GCNT1: variants seen among roughly 807,000 people sequenced by gnomAD.
The protein encoded by GCNT1 is glucosaminyl (N-acetyl) transferase 1, also known as beta-1,3-galactosyl-O-glycosyl-glycoprotein beta-1,6-N-acetylglucosaminyltransferase.
A neutral mutation model predicts 26.2 loss-of-function variants in GCNT1; 16 were observed. The ratio of observed to expected loss-of-function variants is 0.61; its 90% confidence interval spans 0.41 to 0.93. The LOEUF is 0.93. GCNT1 is among the 40% of genes least tolerant of loss of function. The probability of loss-of-function intolerance (pLI) is 0.00; values close to 1 mark genes in which losing one functional copy is unlikely to be tolerated. For missense variants in GCNT1, 477 were observed against 526.7 expected (o/e 0.91, Z 0.92); for synonymous variants, 183 against 190.8 (o/e 0.96, Z 0.34).
intron 2 of GCNT1, among the ~76,000 whole-genome samples, chr9:76,497,094 C>A (rs907644969): frequency 2.0e-5 from 3 of 152,146 alleles, no homozygotes; most frequent in East Asian, 1.9e-4. Flanking sequence ...ACTGGCAAAT[C>A]CCACCAGATA....
At chr9:76,472,780 G>A (rs1424428228) in intron 2 of GCNT1, among the ~76,000 whole-genome samples, 7 of 131,690 alleles carry the variant, frequency 5.3e-5, no homozygotes, top group Non-Finnish European at 7.7e-5. Flanking sequence ...ATGGAGTCTC[G>A]CTCTGTCACC....
chr9:76,494,971 T>C (rs998668980), intron 2 of GCNT1, among the ~76,000 whole-genome samples: 3 of 151,884 alleles, frequency 2.0e-5, no homozygotes, highest in South Asian at 2.1e-4. Flanking sequence ...CTCCAAAGAG[T>C]TGGGGGTTGT....
intron 2 of GCNT1, among the ~76,000 whole-genome samples, chr9:76,498,513 C>T (rs1467292201): frequency 1.3e-5 from 2 of 152,138 alleles, no homozygotes; most frequent in East Asian, 3.9e-4. Flanking sequence ...TGGCTCACCC[C>T]TGTAATCCCA....
intron 2 of GCNT1, among the ~76,000 whole-genome samples, chr9:76,487,096 C>A (rs1311933127): frequency 6.6e-6 from 1 of 152,126 alleles, no homozygotes; most frequent in Non-Finnish European, 1.5e-5. Context: ...ACCCTCCAAG[C>A]AGGGCAAGGT....
chr9:76,428,278 AAAAAAAAAAAACTT>A (rs1397512748), intron 1 of GCNT1, among the ~76,000 whole-genome samples: 47 of 141,534 alleles, frequency 3.3e-4, no homozygotes, highest in Non-Finnish European at 5.4e-4. Flanking sequence ...AAAAAAAAAA[AAAAAAAAAAAACTT>A]AAAAAAAAAA....
At chr9:76,417,857 G>A (rs1823146223), upstream of GCNT1, among the ~76,000 whole-genome samples, 1 of 152,176 alleles carries the variant, frequency 6.6e-6, no homozygotes, top group Non-Finnish European at 1.5e-5. Flanking sequence ...CTGTATGATT[G>A]TAGAGGGGCC....
intron 2 of GCNT1, among the ~76,000 whole-genome samples, chr9:76,468,873 C>T (rs1031012256): frequency 2.0e-5 from 3 of 152,090 alleles, no homozygotes; most frequent in South Asian, 2.1e-4. Flanking sequence ...CATTGTAATG[C>T]GAACATATTG....
intron 2 of GCNT1, among the ~76,000 whole-genome samples, chr9:76,485,976 C>T (rs1386055649): frequency 2.0e-5 from 3 of 152,192 alleles, no homozygotes; most frequent in African/African-American, 7.2e-5. Flanking sequence ...AAGTGATCTG[C>T]CTGCCTCGGC....
intron 2 of GCNT1, among the ~76,000 whole-genome samples, chr9:76,490,645 A>G (rs1824707135): frequency 6.6e-6 from 1 of 152,260 alleles, no homozygotes; most frequent in Non-Finnish European, 1.5e-5. Context: ...TGTTCAGTCC[A>G]TAGTAACTTA....
intron 2 of GCNT1, among the ~76,000 whole-genome samples, chr9:76,484,991 G>A (rs1347775933): frequency 6.6e-6 from 1 of 152,008 alleles, no homozygotes; most frequent in Non-Finnish European, 1.5e-5. Context: ...GTTTCACCAT[G>A]TTGGCCAGGC....
chr9:76,447,204 A>C (rs1358410815), intron 1 of GCNT1, among the ~76,000 whole-genome samples: 1 of 141,712 alleles, frequency 7.1e-6, no homozygotes, highest in East Asian at 2.2e-4. Context: ...TGGTATGTGG[A>C]TATTGCTGAA....
upstream of GCNT1, among the ~76,000 whole-genome samples, chr9:76,415,983 C>G (rs1823129044): frequency 1.3e-5 from 2 of 152,124 alleles, no homozygotes; most frequent in African/African-American, 4.8e-5. Context: ...CAGGGAAATA[C>G]TGAATAGAAG....
chr9:76,446,832 A>T (rs768199350), intron 1 of GCNT1, among the ~76,000 whole-genome samples: 12 of 152,212 alleles, frequency 7.9e-5, no homozygotes, highest in Non-Finnish European at 1.6e-4. Context: ...TGGTGTTTAC[A>T]TACATTAGAT....
chr9:76,477,017 C>T (rs915365450), intron 2 of GCNT1, among the ~76,000 whole-genome samples: 1 of 151,964 alleles, frequency 6.6e-6, no homozygotes, highest in Non-Finnish European at 1.5e-5. Flanking sequence ...CAGGCTCAAG[C>T]GAGTCTCGTG....
the GCNT1 span, among the ~76,000 whole-genome samples, chr9:76,394,706 C>T: frequency 6.6e-6 from 1 of 152,222 alleles, no homozygotes; most frequent in African/African-American, 2.4e-5. Context: ...AGCCTGAGAG[C>T]CGCGAAAGCA....
upstream of GCNT1, among the ~76,000 whole-genome samples, chr9:76,455,570 C>A (rs1823744415): frequency 6.6e-6 from 1 of 151,912 alleles, no homozygotes; most frequent in Non-Finnish European, 1.5e-5. Context: ...TCAAGCAACA[C>A]CATCCCCTTA....
At chr9:76,463,151 G>A (rs1023962734) in intron 2 of GCNT1, among the ~76,000 whole-genome samples, 7 of 152,186 alleles carry the variant, frequency 4.6e-5, no homozygotes, top group Non-Finnish European at 1.0e-4. Context: ...CAGGGAGGTT[G>A]AAAACAACCT....
chr9:76,394,167 C>G, the GCNT1 span: 1 of 1,603,906 alleles, frequency 6.2e-7, no homozygotes, highest in East Asian at 2.2e-5. Context: ...AGGCAGGTGC[C>G]TCATAATGCA....
chr9:76,499,409 T>C (rs1403854068), intron 2 of GCNT1, among the ~76,000 whole-genome samples: 1 of 152,238 alleles, frequency 6.6e-6, no homozygotes, highest in African/African-American at 2.4e-5. Flanking sequence ...ATTACAGGCA[T>C]GAGCCACCAC....
Sources: allele counts gnomAD v4.1 joint callset (sites outside exome capture counted in the v4.1 genomes callset), GRCh38; gene constraint gnomAD v4.1.1; transcripts MANE v1.5; gene names NCBI Gene and HGNC (gene_info 2026-07-23, HGNC 2026-07-21).